The following NMBR variants were observed in gnomAD, a reference collection of about 807,000 sequenced individuals.
NMBR encodes neuromedin B receptor, also known as neuromedin-B receptor.
NMBR carries 16 observed loss-of-function variants against 20.5 expected under a neutral mutation model. The observed-to-expected ratio is 0.78, with a 90% confidence interval of 0.53 to 1.19. NMBR has a LOEUF of 1.19. Ranked by LOEUF, NMBR falls within the 50% of genes most tolerant of loss-of-function variation. The probability of loss-of-function intolerance (pLI) is 0.00; values close to 1 mark genes in which losing one functional copy is unlikely to be tolerated. For missense variants in NMBR, 582 were observed against 499.1 expected, an observed-to-expected ratio of 1.17 and a Z score of -1.58; for synonymous variants, 212 against 196.6, an observed-to-expected ratio of 1.08 and a Z score of -0.65.
At chr6:142,119,815 CA>C (rs1307436918) in intron 1 of NMBR, among the ~76,000 whole-genome samples, 19 of 151,976 alleles carry the variant, frequency 1.3e-4, no homozygotes, top group African/African-American at 4.6e-4. Context: ...TTTTACTAAA[CA>C]ACCCACAGAG....
At chr6:142,077,914 T>C (rs1290656926) in intron 3 of NMBR, among the ~76,000 whole-genome samples, 1 of 152,232 alleles carries the variant, frequency 6.6e-6, no homozygotes. Context: ...CTGCATATTC[T>C]TGAAGGAAGA....
intron 2 of NMBR, among the ~76,000 whole-genome samples, chr6:142,084,185 G>C (rs1050762588): frequency 6.6e-6 from 1 of 152,158 alleles, no homozygotes; most frequent in Non-Finnish European, 1.5e-5. Flanking sequence ...GTTAGACCCA[G>C]GGCCTGTATC....
chr6:142,133,341 A>G (rs1311322184), intron 1 of NMBR: 1 of 411,716 alleles, frequency 2.4e-6, no homozygotes, highest in Non-Finnish European at 4.3e-6. Context: ...AATATTCTGA[A>G]TTTAAAACTA....
At chr6:142,083,526 A>G (rs927099259) in intron 2 of NMBR, among the ~76,000 whole-genome samples, 10 of 152,088 alleles carry the variant, frequency 6.6e-5, no homozygotes, top group Admixed American at 3.3e-4. Flanking sequence ...TGCATCCCCA[A>G]CAAAATCTCA....
At chr6:142,101,705 A>C (rs1777568564) in intron 1 of NMBR, among the ~76,000 whole-genome samples, 1 of 152,146 alleles carries the variant, frequency 6.6e-6, no homozygotes, top group African/African-American at 2.4e-5. Flanking sequence ...TCAATCCAAA[A>C]CAATGGCATC....
chr6:142,112,010 C>T (rs928144512), intron 1 of NMBR, among the ~76,000 whole-genome samples: 6 of 152,164 alleles, frequency 3.9e-5, no homozygotes, highest in African/African-American at 1.4e-4. Flanking sequence ...GATTTTCATT[C>T]CAAATGTTTA....
At chr6:142,140,267 C>T (rs1054296401) in intron 1 of NMBR, among the ~76,000 whole-genome samples, 1 of 151,650 alleles carries the variant, frequency 6.6e-6, no homozygotes, top group Non-Finnish European at 1.5e-5. Context: ...ATTGATAAAC[C>T]TCGGCAAATC....
intron 1 of NMBR, among the ~76,000 whole-genome samples, chr6:142,140,939 A>C (rs1202411217): frequency 3.3e-5 from 5 of 152,202 alleles, no homozygotes; most frequent in Non-Finnish European, 7.4e-5. Context: ...TGCATGAAGC[A>C]AAACCTGATA....
Position 142,088,556 on chromosome 6 carries a change from C to T in NMBR, c.103G>A (p.Gly35Arg), listed in dbSNP as rs771538020. ...WERDFLPASD[G>R]TTTELVIRCV... The stretch of plus-strand genomic sequence containing the variant: ...CGGATCACCAACTCCGTGGTGGTCC[C>T]GTCCGAGGCCGGCAGGAAATCCCTT... Residue 35 changes from glycine (G) to arginine (R), a missense_variant, in exon 2 of 4, where the codon GGG becomes AGG. Physicochemically the swap from Gly to Arg is moderately radical, Grantham distance 125 (BLOSUM62 -2). Transcript: ENST00000258042. 6.2e-7 allele frequency: 1 copy of T among 1,613,834 alleles called. No individual in the cohort carries two copies. The highest frequency in any genetic ancestry group is 8.5e-7 in the Non-Finnish European group (1 of 1,179,998).
intron 1 of NMBR, among the ~76,000 whole-genome samples, chr6:142,144,112 T>C (rs1471059756): frequency 3.9e-5 from 6 of 152,210 alleles, no homozygotes; most frequent in Non-Finnish European, 7.3e-5. Flanking sequence ...GGGTGGCAAA[T>C]GGTCCTGGCC....
At chr6:142,098,981 A>C (rs867392224) in intron 1 of NMBR, among the ~76,000 whole-genome samples, 2 of 152,338 alleles carry the variant, frequency 1.3e-5, no homozygotes, top group Middle Eastern at 3.4e-3. Context: ...GGAAGAGACC[A>C]GAGAGCCCAG....
chr6:142,136,149 C>T (rs1337392769), intron 1 of NMBR, among the ~76,000 whole-genome samples: 1 of 152,194 alleles, frequency 6.6e-6, no homozygotes, highest in East Asian at 1.9e-4. Context: ...ACATCCTCTC[C>T]AGCATCTGTT....
At chr6:142,107,349 C>T (rs1342492038) in intron 1 of NMBR, among the ~76,000 whole-genome samples, 1 of 152,122 alleles carries the variant, frequency 6.6e-6, no homozygotes. Flanking sequence ...CAAGGCACTA[C>T]TAAAAACTAT....
intron 1 of NMBR, among the ~76,000 whole-genome samples, 114 bp downstream of exon 1, chr6:142,146,930 C>T (rs1018969811): frequency 1.3e-5 from 2 of 152,254 alleles, no homozygotes; most frequent in Non-Finnish European, 2.9e-5. Flanking sequence ...CGCCTTTATA[C>T]TTTCTCCCAG....
intron 1 of NMBR, among the ~76,000 whole-genome samples, chr6:142,096,152 T>A (rs1777447438): frequency 6.6e-6 from 1 of 152,202 alleles, no homozygotes; most frequent in African/African-American, 2.4e-5. Context: ...CTTTATTTCC[T>A]TCAGTTCTGC....
rs560731808 is a variant in NMBR, at chr6:142,091,074, T to C, written c.-663-1753A>G. ...GTGAAGAATATAATGAATATTTTAA[T>C]AATTTTTTTGGTATTTTATTAAAAT... On this transcript the variant is annotated intron_variant, in intron 1 of 3. Transcript: ENST00000258042. 7.9e-5 allele frequency among the ~76,000 whole-genome samples: 12 copies of C among 152,284 alleles called. No individual in the cohort carries two copies. The East Asian group carries it at 2.1e-3, about 27-fold the overall frequency.
intron 1 of NMBR, among the ~76,000 whole-genome samples, chr6:142,098,781 T>G (rs1037118262): frequency 6.6e-6 from 1 of 152,166 alleles, no homozygotes; most frequent in Non-Finnish European, 1.5e-5. Context: ...ATCTTAATCA[T>G]AATCCCAGAA....
At chr6:142,076,521 T>C (rs1476284068) in intron 3 of NMBR, among the ~76,000 whole-genome samples, 1 of 152,156 alleles carries the variant, frequency 6.6e-6, no homozygotes, top group Non-Finnish European at 1.5e-5. Context: ...GAAAACAAAA[T>C]AGCAACTTGA....
At chr6:142,141,040 A>C (rs1582867055) in intron 1 of NMBR, among the ~76,000 whole-genome samples, 1 of 152,220 alleles carries the variant, frequency 6.6e-6, no homozygotes, top group East Asian at 1.9e-4. Flanking sequence ...AATATCAAAA[A>C]GGATATAGAG....
Sources: allele counts gnomAD v4.1 joint callset (sites outside exome capture counted in the v4.1 genomes callset), GRCh38; gene constraint gnomAD v4.1.1; transcripts MANE v1.5; gene names NCBI Gene and HGNC (gene_info 2026-07-23, HGNC 2026-07-21).